Variants in INPP5B observed in about 807,000 individuals in gnomAD.
The protein encoded by INPP5B is inositol polyphosphate-5-phosphatase B, also known as type II inositol 1,4,5-trisphosphate 5-phosphatase.
INPP5B carries 90 observed loss-of-function variants against 118.5 expected under a neutral mutation model. The ratio of observed to expected loss-of-function variants is 0.76; its 90% CI spans 0.64 to 0.90. INPP5B has a LOEUF of 0.90. Among genes scored for constraint, INPP5B ranks in the 40% least tolerant of loss-of-function variants. The pLI is 0.00. For synonymous variants in INPP5B, 385 were observed against 418.9 expected, an observed-to-expected ratio of 0.92 and a Z score of 0.99; for missense variants, 984 against 1,125.6, an observed-to-expected ratio of 0.87 and a Z score of 1.80.
chr1:37,895,475 A>ATCCCTC (rs1643994431), intron 7 of INPP5B, among the ~76,000 whole-genome samples: 1 of 150,798 alleles, frequency 6.6e-6, no homozygotes, highest in Non-Finnish European at 1.5e-5. Context: ...AAATAATAAA[A>ATCCCTC]TCCCTCTCCC....
chr1:37,892,257 A>G (rs1643871272), intron 7 of INPP5B, among the ~76,000 whole-genome samples: 1 of 152,196 alleles, frequency 6.6e-6, no homozygotes, highest in East Asian at 1.9e-4. Context: ...AGCGACTTCC[A>G]CTCTGAAGAG....
intron 14 of INPP5B, among the ~76,000 whole-genome samples, 196 bp from the exon 15 acceptor site, chr1:37,880,390 GGT>G (rs1643122352): frequency 6.6e-6 from 1 of 151,192 alleles, no homozygotes; most frequent in South Asian, 2.1e-4. Context: ...GCCTGTATAT[GGT>G]TTTTATTTTT....
intron 19 of INPP5B, among the ~76,000 whole-genome samples, chr1:37,872,056 T>C (rs1569993277): frequency 1.4e-5 from 1 of 72,546 alleles, no homozygotes; most frequent in African/African-American, 5.5e-5. Flanking sequence ...AGAGTGAGAC[T>C]CCATCTCAAA....
chr1:37,938,270 AAAAT>A lies in INPP5B; in HGVS notation c.391+2414_391+2417del, dbSNP rs71057106. On this transcript the variant is annotated intron_variant, in intron 6 of 23. Transcript: ENST00000373024. ...GGCAACAGGGCGAGACTCTGTCTCA[AAAAT>A]AAATAAATAAATAAATAAATAAATA... Among the ~76,000 whole-genome samples, 843 of 118,836 alleles carry A rather than the reference AAAAT, an allele frequency of 7.1e-3. 11 individuals are homozygous for A. The highest frequency in any genetic ancestry group is 0.02 in the African/African-American group (762 of 37,306). 78.0% of individuals were successfully genotyped at this position (118,836 alleles called of 152,430 possible). A position where few individuals can be genotyped will look rare whatever the true frequency, so the allele number is the denominator to read the frequency against.
intron 7 of INPP5B, among the ~76,000 whole-genome samples, chr1:37,911,043 G>C (rs1315371496): frequency 6.6e-6 from 1 of 152,130 alleles, no homozygotes; most frequent in African/African-American, 2.4e-5. Context: ...AGGGCTGTGT[G>C]GTCGGAATTC....
chr1:37,911,949 T>C (rs1300046452), intron 7 of INPP5B, among the ~76,000 whole-genome samples: 1 of 152,200 alleles, frequency 6.6e-6, no homozygotes. Context: ...TTTGCCCTTC[T>C]CAGAATTAGA....
intron 7 of INPP5B, among the ~76,000 whole-genome samples, chr1:37,896,459 C>T (rs1490460652): frequency 2.5e-4 from 36 of 146,798 alleles, no homozygotes; most frequent in East Asian, 2.1e-3. Flanking sequence ...CTGCCCCGTC[C>T]GGGAGGGAGG....
intron 7 of INPP5B, among the ~76,000 whole-genome samples, chr1:37,894,448 G>A (rs1368971250): frequency 1.3e-5 from 2 of 151,928 alleles, no homozygotes; most frequent in Non-Finnish European, 2.9e-5. Context: ...ATGCATCACT[G>A]TATCCCCATC....
chr1:37,938,518 G>A (rs928911525), intron 6 of INPP5B, among the ~76,000 whole-genome samples: 2 of 151,920 alleles, frequency 1.3e-5, no homozygotes, highest in Non-Finnish European at 2.9e-5. Flanking sequence ...CATGAATAAG[G>A]TATTCATTAC....
intron 7 of INPP5B, among the ~76,000 whole-genome samples, chr1:37,898,802 A>G (rs1055620151): frequency 7.2e-5 from 11 of 152,154 alleles, no homozygotes; most frequent in African/African-American, 2.7e-4. Context: ...TGTCTAACCT[A>G]TATCACAAAG....
intron 7 of INPP5B, among the ~76,000 whole-genome samples, chr1:37,896,081 C>T (rs1412072087): frequency 1.3e-5 from 2 of 151,056 alleles, no homozygotes; most frequent in Admixed American, 6.6e-5. Context: ...CGCCTCTTCC[C>T]GGCCGCCATC....
At chr1:37,916,707 C>T (rs548625197) in intron 7 of INPP5B, among the ~76,000 whole-genome samples, 2 of 152,124 alleles carry the variant, frequency 1.3e-5, no homozygotes, top group South Asian at 2.1e-4. Context: ...TGAACCACTG[C>T]GTCCAGCCAG....
At position 37,901,861 on chromosome 1, in the gene INPP5B, C is replaced by T. The variant is rs573039876; in HGVS notation, c.533-10407G>A. Among the ~76,000 whole-genome samples the T allele has an allele frequency of 9.5e-4, 144 of 152,282 alleles. 1 individual carries two copies. Among genetic ancestry groups the T allele is most frequent in the Admixed American group, 2.6e-3 (39 of 15,280 alleles). Reference sequence around the variant, plus strand: ...CCTGTCTTTTCTCCTCTCCTGCTTCCCTACTCCCACTCTGCCCTTTTTTTA... The same window carrying T: ...CCTGTCTTTTCTCCTCTCCTGCTTCTCTACTCCCACTCTGCCCTTTTTTTA... On this transcript the variant is annotated intron_variant, in intron 7 of 23. Coordinates refer to ENST00000373024, the MANE Select transcript of INPP5B (RefSeq NM_005540.3).
At chr1:37,903,232 C>G (rs1029022239) in intron 7 of INPP5B, among the ~76,000 whole-genome samples, 3 of 152,102 alleles carry the variant, frequency 2.0e-5, no homozygotes, top group African/African-American at 7.2e-5. Flanking sequence ...GCTGATAAAA[C>G]AGGCTGCAGT....
chr1:37,862,979 C>T (rs971766208), intron 23 of INPP5B, among the ~76,000 whole-genome samples: 1 of 152,174 alleles, frequency 6.6e-6, no homozygotes, highest in Non-Finnish European at 1.5e-5. Context: ...GCTTGGTGTC[C>T]TGCCTCTCTG....
intron 7 of INPP5B, among the ~76,000 whole-genome samples, chr1:37,893,085 C>CT (rs71053999): frequency 0.17 from 13,602 of 78,890 alleles, 969 homozygotes; most frequent in Non-Finnish European, 0.19. Flanking sequence ...TTTTCTTTTT[C>CT]TTTTTTTTTT....
At chr1:37,885,262 A>C (rs573684012) in intron 13 of INPP5B, 1 of 159,518 alleles carries the variant, frequency 6.3e-6, no homozygotes, top group East Asian at 1.8e-4. Flanking sequence ...AAAATACAAA[A>C]AATTAGCCAG....
chr1:37,919,750 C>T (rs557338105), intron 7 of INPP5B, among the ~76,000 whole-genome samples: 1 of 152,162 alleles, frequency 6.6e-6, no homozygotes, highest in Non-Finnish European at 1.5e-5. Flanking sequence ...ACCAGCCTGG[C>T]CAAAATGGCG....
chr1:37,890,926 T>C (rs759880345), intron 8 of INPP5B, among the ~76,000 whole-genome samples: 6 of 152,040 alleles, frequency 3.9e-5, no homozygotes, highest in Non-Finnish European at 7.4e-5. Context: ...AAATGTCAGG[T>C]ATTATTAAGA....
Sources: allele counts gnomAD v4.1 joint callset (sites outside exome capture counted in the v4.1 genomes callset), GRCh38; gene constraint gnomAD v4.1.1; transcripts MANE v1.5; gene names NCBI Gene and HGNC (gene_info 2026-07-23, HGNC 2026-07-21).